The following ZBTB7C variants were observed in gnomAD, a reference collection of about 807,000 sequenced individuals.
ZBTB7C encodes the protein zinc finger and BTB domain containing 7C, also known as zinc finger and BTB domain-containing protein 7C.
ZBTB7C carries 8 observed loss-of-function variants against 25.7 expected under a neutral mutation model. The observed-to-expected ratio is 0.31, with a 90% CI of 0.18 to 0.56. The LOEUF is 0.56. ZBTB7C is among the 20% of genes least tolerant of loss of function. ZBTB7C has a pLI of 0.91. For synonymous variants in ZBTB7C, 394 were observed against 369.0 expected (o/e 1.07, Z -0.78); for missense variants, 824 against 855.2 (o/e 0.96, Z 0.46).
chr18:48,377,765 A>T (rs2047554007), intron 1 of ZBTB7C, among the ~76,000 whole-genome samples: 1 of 152,254 alleles, frequency 6.6e-6, no homozygotes, highest in South Asian at 2.1e-4. Flanking sequence ...CTAAGTCAGC[A>T]GCGGAAGAAG....
chr18:48,090,322 T>C (rs1415312672), intron 3 of ZBTB7C, among the ~76,000 whole-genome samples: 1 of 152,156 alleles, frequency 6.6e-6, no homozygotes. Context: ...GGTGCTTGGC[T>C]CTCCTGCCTA....
intron 2 of ZBTB7C, among the ~76,000 whole-genome samples, chr18:48,240,007 T>C (rs968451765): frequency 5.9e-5 from 9 of 151,752 alleles, no homozygotes; most frequent in Admixed American, 3.9e-4. Context: ...GAGAAATAGA[T>C]AGCATAAATA....
At chr18:48,143,154 G>A (rs936867182) in intron 3 of ZBTB7C, among the ~76,000 whole-genome samples, 2 of 152,134 alleles carry the variant, frequency 1.3e-5, no homozygotes, top group Non-Finnish European at 2.9e-5. Flanking sequence ...CAGGGGCCAG[G>A]AGCAGCATTA....
intron 2 of ZBTB7C, among the ~76,000 whole-genome samples, chr18:48,333,627 T>A (rs779539411): frequency 6.6e-6 from 1 of 152,192 alleles, no homozygotes; most frequent in Non-Finnish European, 1.5e-5. Flanking sequence ...CCATAGATCA[T>A]CTTTTGAAAT....
intron 3 of ZBTB7C, among the ~76,000 whole-genome samples, chr18:48,109,117 G>T (rs1047387488): frequency 7.9e-5 from 12 of 152,108 alleles, no homozygotes; most frequent in Non-Finnish European, 1.5e-4. Flanking sequence ...GTGAGGGTGG[G>T]GGTTGCGGTC....
intron 3 of ZBTB7C, among the ~76,000 whole-genome samples, chr18:48,167,812 G>C (rs1210560907): frequency 6.6e-6 from 1 of 152,222 alleles, no homozygotes. Context: ...CTAGAGCAAT[G>C]ACTACAGAGC....
chr18:48,054,017 T>G (rs2036809798), intron 3 of ZBTB7C, among the ~76,000 whole-genome samples: 1 of 152,172 alleles, frequency 6.6e-6, no homozygotes, highest in Admixed American at 6.5e-5. Context: ...CAGACAGGAA[T>G]GCCAGGGAGT....
intron 2 of ZBTB7C, among the ~76,000 whole-genome samples, chr18:48,269,615 C>T (rs16949011): frequency 6.6e-6 from 1 of 152,138 alleles, no homozygotes; most frequent in Non-Finnish European, 1.5e-5. Flanking sequence ...GATGAAAGCA[C>T]CATGCTCAAA....
intron 1 of ZBTB7C, among the ~76,000 whole-genome samples, chr18:48,359,661 G>A (rs952896017): frequency 1.3e-4 from 20 of 152,188 alleles, no homozygotes; most frequent in Admixed American, 1.2e-3. Context: ...TTAGTTCTGC[G>A]ATGTCACTTT....
At chr18:48,132,624 A>G (rs2040021399) in intron 3 of ZBTB7C, among the ~76,000 whole-genome samples, 1 of 152,234 alleles carries the variant, frequency 6.6e-6, no homozygotes, top group Non-Finnish European at 1.5e-5. Context: ...AACAGAAACA[A>G]AACAAACATT....
chr18:48,087,151 G>C (rs532307930), intron 3 of ZBTB7C, among the ~76,000 whole-genome samples: 1 of 152,288 alleles, frequency 6.6e-6, no homozygotes, highest in East Asian at 1.9e-4. Context: ...CTCAGCCTTG[G>C]TTGCCTGCTA....
intron 1 of ZBTB7C, among the ~76,000 whole-genome samples, chr18:48,384,996 T>C (rs2047714477): frequency 6.6e-6 from 1 of 152,154 alleles, no homozygotes; most frequent in Non-Finnish European, 1.5e-5. Context: ...TTAGTGTATT[T>C]TATGTGTGGC....
At chr18:48,277,952 G>A (rs1390999362) in intron 2 of ZBTB7C, among the ~76,000 whole-genome samples, 1 of 152,080 alleles carries the variant, frequency 6.6e-6, no homozygotes, top group Admixed American at 6.5e-5. Flanking sequence ...GAGGTAAAGA[G>A]GGACAGGCTC....
chr18:48,061,732 T>G (rs1416203788), intron 3 of ZBTB7C, among the ~76,000 whole-genome samples: 14 of 152,216 alleles, frequency 9.2e-5, no homozygotes, highest in Admixed American at 9.2e-4. Context: ...TGGAGCCCAC[T>G]GGACGGGAAT....
At chr18:48,118,649 CA>C (rs1463368774) in intron 3 of ZBTB7C, among the ~76,000 whole-genome samples, 1 of 152,008 alleles carries the variant, frequency 6.6e-6, no homozygotes, top group Non-Finnish European at 1.5e-5. Flanking sequence ...GAAAATTACC[CA>C]ATATATAGCT....
chr18:48,242,885 A>G (rs1368176982), intron 2 of ZBTB7C, among the ~76,000 whole-genome samples: 1 of 152,190 alleles, frequency 6.6e-6, no homozygotes, highest in African/African-American at 2.4e-5. Flanking sequence ...AGGGCATCCA[A>G]ATCAGTAAAA....
chr18:48,392,597 T>TA (rs1216414647), intron 1 of ZBTB7C, among the ~76,000 whole-genome samples: 5 of 152,340 alleles, frequency 3.3e-5, no homozygotes, highest in African/African-American at 9.6e-5. Flanking sequence ...CAGTGAGTGT[T>TA]ACAGCTCTTT....
At chr18:48,326,404 C>A (rs2046220684) in intron 2 of ZBTB7C, among the ~76,000 whole-genome samples, 1 of 152,086 alleles carries the variant, frequency 6.6e-6, no homozygotes, top group Non-Finnish European at 1.5e-5. Context: ...CCTCTACCTT[C>A]TTCTAAAAAA....
At chr18:48,219,520 C>T (rs1486802474) in intron 2 of ZBTB7C, among the ~76,000 whole-genome samples, 1 of 152,184 alleles carries the variant, frequency 6.6e-6, no homozygotes, top group East Asian at 1.9e-4. Context: ...CTTCCCAGGT[C>T]ACACAGCCTG....
Sources: gnomAD v4.1 joint callset for allele counts (sites outside exome capture counted in the v4.1 genomes callset) on GRCh38, gnomAD v4.1.1 for gene constraint, MANE v1.5 for transcripts, NCBI Gene and HGNC (gene_info 2026-07-23, HGNC 2026-07-21) for gene names.